Variants in SNRNP48 observed in about 807,000 individuals in gnomAD.
The protein encoded by SNRNP48 is small nuclear ribonucleoprotein U11/U12 subunit 48.
A neutral mutation model predicts 47.0 loss-of-function variants in SNRNP48; 43 were observed. The observed-to-expected ratio is 0.92, with a 90% CI of 0.72 to 1.18. SNRNP48 has a LOEUF of 1.18. Ranked by LOEUF, SNRNP48 falls within the 50% of genes most tolerant of loss-of-function variation. The pLI is 0.00. For synonymous variants in SNRNP48, 138 were observed against 144.0 expected, an observed-to-expected ratio of 0.96 and a Z score of 0.30; for missense variants, 396 against 422.2, an observed-to-expected ratio of 0.94 and a Z score of 0.54.
intron 1 of SNRNP48, among the ~76,000 whole-genome samples, chr6:7,591,266 C>T (rs560547954): frequency 6.6e-6 from 1 of 152,092 alleles, no homozygotes; most frequent in Non-Finnish European, 1.5e-5. Context: ...ACTGGCAACT[C>T]CTGTGGACAT....
In SNRNP48 at chr6:7,595,013, T is replaced by C. The variant is rs777921575; in HGVS notation, c.332-14T>C. The C allele has an allele frequency of 1.9e-5, 30 of 1,580,874 alleles. No homozygotes were observed. Among genetic ancestry groups the C allele is most frequent in the Admixed American group, 1.8e-4 (9 of 50,932 alleles). On this transcript the variant is annotated splice_polypyrimidine_tract_variant and intron_variant, in intron 3 of 8. Transcript: ENST00000342415. ...GATTCATATTGTATTTATGGATTTT[T>C]TTTTTTTTGACAGATAAGGACTCAC...
In SNRNP48 at chr6:7,601,476, G is replaced by GA; in HGVS notation, c.551dup (p.Asn184LysfsTer2). On this transcript the variant is annotated frameshift_variant, in exon 5 of 9. Coordinates refer to ENST00000342415, the MANE Select transcript of SNRNP48 (RefSeq NM_152551.4). LOFTEE classifies it high-confidence loss of function. ...AAAGCGCTCTGATTCTCAAATTATT[G>GA]AAAATGACAGCGATCTCTTTGTAGA... is the stretch of plus-strand genomic sequence containing the variant. 1 of 1,597,882 alleles carries GA rather than the reference G, an allele frequency of 6.3e-7. No individual in the cohort carries two copies. The highest frequency in any genetic ancestry group is 8.5e-7 in the Non-Finnish European group (1 of 1,176,422).
intron 6 of SNRNP48, 108 bp from the exon 7 acceptor site, chr6:7,605,290 C>T (rs1221045928): frequency 1.8e-5 from 15 of 836,342 alleles, no homozygotes; most frequent in Non-Finnish European, 2.8e-5. Context: ...TCAATTATGT[C>T]ATAGCACTTA....
chr6:7,597,517 C>T (rs1759924541), intron 4 of SNRNP48, among the ~76,000 whole-genome samples: 1 of 151,536 alleles, frequency 6.6e-6, no homozygotes, highest in Non-Finnish European at 1.5e-5. Context: ...ATACAAAACT[C>T]TCATAGAGTT....
Position 7,600,261 on chromosome 6 carries a change from T to C in SNRNP48, c.407-1075T>C, listed in dbSNP as rs1044386099. On this transcript the variant is annotated intron_variant, in intron 4 of 8. Transcript: ENST00000342415. ...ATATGTAGACAAGTAGTACCTCTTT[T>C]TTGTTGTAATGCTTAGTTCATAGTA... 3.2e-6 allele frequency: 3 copies of C among 928,256 alleles called. No homozygotes were observed. The African/African-American group carries it at 5.3e-5, about 17-fold the overall frequency. The allele number at this position is 928,256 out of a possible 1,614,324, so 57.5% of individuals were successfully genotyped here. A position where few individuals can be genotyped will look rare whatever the true frequency, so the allele number is the denominator to read the frequency against.
chr6:7,607,787 AT>A (rs1198153740), intron 8 of SNRNP48, among the ~76,000 whole-genome samples: 2 of 152,220 alleles, frequency 1.3e-5, no homozygotes, highest in Non-Finnish European at 2.9e-5. Context: ...CTCAAATAAT[AT>A]CCTGTCTCTC....
intron 4 of SNRNP48, among the ~76,000 whole-genome samples, chr6:7,596,292 G>A (rs930790606): frequency 2.6e-5 from 4 of 151,660 alleles, no homozygotes; most frequent in African/African-American, 4.8e-5. Flanking sequence ...ATAGACAAAC[G>A]AGTTAATAAA....
chr6:7,602,495 T>G, intron 5 of SNRNP48, 128 bp from the exon 6 acceptor site: 1 of 709,170 alleles, frequency 1.4e-6, no homozygotes, highest in Non-Finnish European at 2.1e-6. Context: ...TAATATACAA[T>G]TTTTAGAATG....
At chr6:7,605,522 C>A in intron 7 of SNRNP48, 36 bp downstream of exon 7, 1 of 1,548,746 alleles carries the variant, frequency 6.5e-7, no homozygotes, top group South Asian at 1.1e-5. Flanking sequence ...AATACTCTCT[C>A]TTTGATAACA....
intron 6 of SNRNP48, among the ~76,000 whole-genome samples, chr6:7,605,070 T>C (rs1180147322): frequency 1.3e-5 from 2 of 152,118 alleles, no homozygotes; most frequent in Non-Finnish European, 2.9e-5. Flanking sequence ...CATATTTTTT[T>C]CCCCTGAATT....
chr6:7,606,353 TC>T (rs1197426410), intron 8 of SNRNP48, 158 bp downstream of exon 8: 24 of 760,944 alleles, frequency 3.2e-5, no homozygotes, highest in Admixed American at 2.3e-4. Flanking sequence ...TCATTATAGT[TC>T]AGTTCAAATA....
At chr6:7,604,372 A>G (rs757951999) in intron 6 of SNRNP48, among the ~76,000 whole-genome samples, 1 of 152,212 alleles carries the variant, frequency 6.6e-6, no homozygotes, top group Non-Finnish European at 1.5e-5. Context: ...AGATAGAAGT[A>G]TAGGAGTTTT....
intron 1 of SNRNP48, 30 bp from the exon 2 acceptor site, chr6:7,593,704 A>G (rs2113713768): frequency 1.5e-6 from 2 of 1,355,224 alleles, no homozygotes; most frequent in Non-Finnish European, 1.0e-6. Context: ...TTATGTACCT[A>G]TTTTCTTTGT....
At chr6:7,596,605 C>G (rs1481271718) in intron 4 of SNRNP48, among the ~76,000 whole-genome samples, 1 of 152,182 alleles carries the variant, frequency 6.6e-6, no homozygotes, top group Non-Finnish European at 1.5e-5. Flanking sequence ...CCTTAGTTGT[C>G]TATATTACAT....
At chr6:7,593,060 C>A (rs144278842) in intron 1 of SNRNP48, among the ~76,000 whole-genome samples, 1 of 151,908 alleles carries the variant, frequency 6.6e-6, no homozygotes, top group African/African-American at 2.4e-5. Context: ...CTTTAATATA[C>A]GGTACTGGAG....
At chr6:7,590,467 C>T in intron 1 of SNRNP48, 54 bp downstream of exon 1, 1 of 1,261,146 alleles carries the variant, frequency 7.9e-7, no homozygotes. Context: ...GGGGTCTTCT[C>T]TGGAAGAAGG....
chr6:7,605,975 G>C, intron 7 of SNRNP48, 56 bp from the exon 8 acceptor site: 2 of 1,518,502 alleles, frequency 1.3e-6, no homozygotes, highest in Non-Finnish European at 1.8e-6. Flanking sequence ...GTCTGTGTAC[G>C]TATACTGGAG....
At position 7,596,564 on chromosome 6, in the gene SNRNP48, C is replaced by T. The variant is rs114794366; in HGVS notation, c.406+1463C>T. Among the ~76,000 whole-genome samples the T allele has an allele frequency of 8.4e-3, 1,274 of 152,254 alleles. 24 individuals carry two copies. The highest frequency in any genetic ancestry group is 0.029 in the African/African-American group (1,196 of 41,528). ...ATCTGGACTTGATTTCTCAGAGTTG[C>T]TCTATGGCTTCAGAAGAAAGACCAT... On this transcript the variant is annotated intron_variant, in intron 4 of 8. Transcript: ENST00000342415.
chr6:7,608,456 T>C (rs1432173462), intron 8 of SNRNP48, among the ~76,000 whole-genome samples: 1 of 151,998 alleles, frequency 6.6e-6, no homozygotes, highest in Non-Finnish European at 1.5e-5. Flanking sequence ...CTTGGGAGGC[T>C]GAGGCAGGAA....
Sources: allele counts gnomAD v4.1 joint callset (sites outside exome capture counted in the v4.1 genomes callset), GRCh38; gene constraint gnomAD v4.1.1; transcripts MANE v1.5; gene names NCBI Gene and HGNC (gene_info 2026-07-23, HGNC 2026-07-21).